PMM2: variants seen among roughly 807,000 people sequenced by gnomAD.
The protein encoded by PMM2 is phosphomannomutase 2, also known as mannose-6-phosphate isomerase.
PMM2 carries 35 observed loss-of-function variants against 33.2 expected under a neutral mutation model. The ratio of observed to expected loss-of-function variants is 1.06; its 90% CI spans 0.81 to 1.40. The LOEUF (loss-of-function observed/expected upper bound fraction) is 1.40, where lower values mean the gene tolerates loss of function less well. PMM2 is among the 40% of genes most tolerant of loss of function. The probability of loss-of-function intolerance (pLI) is 0.00; values close to 1 mark genes in which losing one functional copy is unlikely to be tolerated. For missense variants in PMM2, 386 were observed against 306.0 expected (o/e 1.26, Z -1.95); for synonymous variants, 153 against 114.7 (o/e 1.33, Z -2.13).
chr16:8,842,940 G>A (rs1411319362), intron 7 of PMM2, among the ~76,000 whole-genome samples: 1 of 152,142 alleles, frequency 6.6e-6, no homozygotes, highest in Non-Finnish European at 1.5e-5. Flanking sequence ...TGTGGGTTAA[G>A]GTGGGGGGAT....
At chr16:8,806,278 C>G (rs2060647177) in intron 3 of PMM2, 38 bp from the exon 4 acceptor site, 1 of 1,358,202 alleles carries the variant, frequency 7.4e-7, no homozygotes, top group Admixed American at 1.7e-5. Flanking sequence ...GAAAATGCTC[C>G]TGCTAAATCA....
chr16:8,838,039 C>T (rs1232066353), intron 7 of PMM2, among the ~76,000 whole-genome samples: 1 of 152,066 alleles, frequency 6.6e-6, no homozygotes, highest in Non-Finnish European at 1.5e-5. Context: ...TTTATTTCAC[C>T]TGGGTGCAGG....
intron 7 of PMM2, chr16:8,832,239 C>G (rs1203575337): frequency 5.2e-5 from 51 of 985,382 alleles, no homozygotes; most frequent in Non-Finnish European, 6.0e-5. Context: ...AAAGGAAGGC[C>G]TGAGGCAGGT....
intron 7 of PMM2, among the ~76,000 whole-genome samples, chr16:8,843,951 C>A (rs1450526073): frequency 1.3e-5 from 2 of 151,854 alleles, no homozygotes; most frequent in Non-Finnish European, 2.9e-5. Flanking sequence ...AGGGGACAGG[C>A]GGGAGGGAAA....
intron 7 of PMM2, chr16:8,832,579 G>A (rs753008226): frequency 7.4e-5 from 73 of 985,248 alleles, no homozygotes; most frequent in Non-Finnish European, 8.4e-5. Context: ...TTTTGCTTCA[G>A]GGGTCTCTTC....
chr16:8,824,807 C>T lies in PMM2; in HGVS notation c.639+11701C>T, dbSNP rs1013848408. Among the ~76,000 whole-genome samples, 3 of 152,104 alleles carry T rather than the reference C, an allele frequency of 2.0e-5. No individual in the cohort carries two copies. The East Asian group carries it at 5.8e-4, about 29-fold the overall frequency. On this transcript the variant is annotated intron_variant, in intron 7 of 7. Transcript: ENST00000268261. ...CTCAAACATTTTGTAACAGGAAAAA[C>T]CTTTACTCTGATAGAGAGAAGACTC...
intron 1 of PMM2, among the ~76,000 whole-genome samples, chr16:8,799,223 A>G (rs2060597202): frequency 6.6e-6 from 1 of 152,204 alleles, no homozygotes; most frequent in Non-Finnish European, 1.5e-5. Flanking sequence ...ACAAAAACAA[A>G]CAGCTGCCCA....
At chr16:8,838,809 GTT>G (rs2060870155) in intron 7 of PMM2, among the ~76,000 whole-genome samples, 1 of 152,066 alleles carries the variant, frequency 6.6e-6, no homozygotes, top group Non-Finnish European at 1.5e-5. Flanking sequence ...TGGTTGGCAA[GTT>G]TTTGGGCTCT....
chr16:8,813,003 G>A lies in PMM2; in HGVS notation c.536G>A (p.Ser179Asn). The A allele has an allele frequency of 6.2e-7, 1 of 1,610,100 alleles. No homozygotes were observed. The highest frequency in any genetic ancestry group is 8.5e-7 in the Non-Finnish European group (1 of 1,176,276). Residue 179 changes from serine to asparagine, a missense_variant, in exon 7 of 8, where the codon AGC becomes AAC. Physicochemically the swap from Ser to Asn is conservative, Grantham distance 46 (BLOSUM62 1). Transcript: ENST00000268261. ...GLTFSIGGQISFDVFPDGWDK... is the reference protein window; with the variant it reads ...GLTFSIGGQINFDVFPDGWDK... ...CCCCACCCGGCAGGAGGCCAGATCA[G>A]CTTTGATGTCTTTCCTGATGGATGG... is the stretch of plus-strand genomic sequence containing the variant.
Position 8,829,720 on chromosome 16 carries a change from C to T in PMM2, c.639+16614C>T, listed in dbSNP as rs79918086. Among the ~76,000 whole-genome samples the T allele has an allele frequency of 4.7e-3, 719 of 152,222 alleles. 4 individuals are homozygous for T. Among genetic ancestry groups the T allele is most frequent in the African/African-American group, 0.017 (694 of 41,538 alleles). ...CCCTCGAGGCAGCCCTGTCAAACTT[C>T]CGAGCTTCTGCTGACAAGTCCTTCA... is the stretch of plus-strand genomic sequence containing the variant. On this transcript the variant is annotated intron_variant, in intron 7 of 7. Coordinates refer to ENST00000268261, the MANE Select transcript of PMM2 (RefSeq NM_000303.3).
At chr16:8,804,021 G>GTTTTT (rs113764347) in intron 2 of PMM2, among the ~76,000 whole-genome samples, 11 of 72,630 alleles carry the variant, frequency 1.5e-4, no homozygotes, top group Middle Eastern at 9.8e-3. Context: ...TTGTTTTTTG[G>GTTTTT]GTTTTTTTTG....
At chr16:8,835,701 T>A (rs1337667939) in intron 7 of PMM2, among the ~76,000 whole-genome samples, 1 of 152,022 alleles carries the variant, frequency 6.6e-6, no homozygotes, top group Non-Finnish European at 1.5e-5. Context: ...TTATAGGTTT[T>A]AAAAGGCCAT....
At chr16:8,842,541 A>G (rs1023762072) in intron 7 of PMM2, among the ~76,000 whole-genome samples, 1 of 152,184 alleles carries the variant, frequency 6.6e-6, no homozygotes, top group Non-Finnish European at 1.5e-5. Context: ...GGCTGGGACA[A>G]GGGGTGCAGG....
intron 2 of PMM2, among the ~76,000 whole-genome samples, chr16:8,804,039 T>TTTGTTG (rs2060632467): frequency 7.5e-6 from 1 of 132,802 alleles, no homozygotes; most frequent in South Asian, 2.3e-4. Context: ...TTGTTTTTTT[T>TTTGTTG]TTTTTTTTTT....
At chr16:8,821,683 C>G (rs192509124) in intron 7 of PMM2, among the ~76,000 whole-genome samples, 105 of 152,364 alleles carry the variant, frequency 6.9e-4, no homozygotes, top group African/African-American at 2.5e-3. Context: ...CCAAGGGTCA[C>G]TCGCCCTAGG....
chr16:8,818,765 C>G (rs1472670837), intron 7 of PMM2, among the ~76,000 whole-genome samples: 3 of 152,162 alleles, frequency 2.0e-5, no homozygotes, highest in African/African-American at 7.2e-5. Flanking sequence ...CTTCAGAAAC[C>G]CTGTCATTCT....
At chr16:8,835,547 G>A (rs2060840117) in intron 7 of PMM2, among the ~76,000 whole-genome samples, 1 of 152,028 alleles carries the variant, frequency 6.6e-6, no homozygotes, top group Non-Finnish European at 1.5e-5. Context: ...GTAGATGGAG[G>A]TATTGAGGAC....
At position 8,847,662 on chromosome 16, in the gene PMM2, A is replaced by T. The variant is rs760492302; in HGVS notation, c.640-62A>T. ...TTGGGTACTTTTGGACTCCAGGGTC[A>T]CATCAGCAATGGCCCGGGACAGACG... is the stretch of plus-strand genomic sequence containing the variant. On this transcript the variant is annotated intron_variant, in intron 7 of 7. Coordinates refer to ENST00000268261, the MANE Select transcript of PMM2 (RefSeq NM_000303.3). 2.3e-4 allele frequency: 281 copies of T among 1,235,828 alleles called. 1 individual carries two copies. In the Middle Eastern group the frequency reaches 3.2e-3, roughly 14 times the overall value. The allele number at this position is 1,235,828 out of a possible 1,614,324, so 76.6% of individuals were successfully genotyped here. A position where few individuals can be genotyped will look rare whatever the true frequency, so the allele number is the denominator to read the frequency against.
intron 7 of PMM2, among the ~76,000 whole-genome samples, chr16:8,847,222 C>T (rs1007735837): frequency 1.3e-5 from 2 of 152,112 alleles, no homozygotes; most frequent in East Asian, 1.9e-4. Context: ...GCATTGGCCA[C>T]GTTTCAAGTG....
Sources: gnomAD v4.1 joint callset for allele counts (sites outside exome capture counted in the v4.1 genomes callset) on GRCh38, gnomAD v4.1.1 for gene constraint, MANE v1.5 for transcripts, NCBI Gene and HGNC (gene_info 2026-07-23, HGNC 2026-07-21) for gene names.